CAPN13: variants seen among roughly 807,000 people sequenced by gnomAD.
The protein encoded by CAPN13 is calpain-13.
CAPN13 carries 90 observed loss-of-function variants against 98.4 expected under a neutral mutation model. That is an observed-to-expected ratio of 0.92 (90% CI 0.77 to 1.09). CAPN13 has a LOEUF of 1.09. Ranked by LOEUF, CAPN13 falls within the 50% of genes least tolerant of loss-of-function variation. CAPN13 has a pLI of 0.00. For synonymous variants in CAPN13, 330 were observed against 305.5 expected (o/e 1.08, Z -0.84); for missense variants, 887 against 841.3 (o/e 1.05, Z -0.67).
intron 1 of CAPN13, among the ~76,000 whole-genome samples, chr2:30,794,148 C>T (rs955032777): frequency 2.6e-5 from 4 of 151,210 alleles, no homozygotes; most frequent in East Asian, 1.9e-4. Context: ...ATTTGCAGCA[C>T]GTATATCAGA....
rs1262014163 is a variant in CAPN13, at chr2:30,784,969, G to A, written c.198+2159C>T. ...TCTTCCAGTGCTCTCTGCAGTCACA[G>A]CTGTACACTGTGGGTCAAGGACATC... On this transcript the variant is annotated intron_variant, in intron 2 of 22. Transcript: ENST00000295055. Among the ~76,000 whole-genome samples the A allele has an allele frequency of 2.6e-5, 4 of 152,224 alleles. No individual in the cohort carries two copies. In the East Asian group the frequency reaches 7.7e-4, roughly 29 times the overall value.
At chr2:30,734,807 C>G (rs944962229) in intron 18 of CAPN13, among the ~76,000 whole-genome samples, 1 of 152,040 alleles carries the variant, frequency 6.6e-6, no homozygotes, top group Non-Finnish European at 1.5e-5. Flanking sequence ...GAGTGTAGGG[C>G]TCTCCAAAGA....
At chr2:30,725,550 T>C (rs1670830824) in intron 22 of CAPN13, among the ~76,000 whole-genome samples, 1 of 152,196 alleles carries the variant, frequency 6.6e-6, no homozygotes, top group Admixed American at 6.5e-5. Flanking sequence ...CCAAGTAGAC[T>C]GGTGATGGAG....
At position 30,806,754 on chromosome 2, in the gene CAPN13, C is replaced by T. The variant is rs903529787; in HGVS notation, c.-33+548G>A. 4.6e-5 allele frequency among the ~76,000 whole-genome samples: 7 copies of T among 152,180 alleles called. No individual in the cohort carries two copies. In the East Asian group the frequency reaches 1.3e-3, roughly 29 times the overall value. On this transcript the variant is annotated intron_variant, in intron 1 of 22. Transcript: ENST00000295055. ...GACACCACTAGAGGCATATAGGAAC[C>T]TCCTGAATCTCTGAAGTTGTAATGA...
intron 21 of CAPN13, 67 bp downstream of exon 21, chr2:30,731,277 C>T: frequency 7.0e-7 from 1 of 1,426,638 alleles, no homozygotes; most frequent in Non-Finnish European, 9.5e-7. Flanking sequence ...GAAAAATGCC[C>T]TCTGGAATCA....
chr2:30,743,583 G>A lies in CAPN13; in HGVS notation c.1249-4C>T, dbSNP rs774941368. 3.1e-6 allele frequency: 5 copies of A among 1,613,778 alleles called. No individual in the cohort carries two copies. The highest frequency in any genetic ancestry group is 1.1e-5 in the South Asian group (1 of 91,072). Reference sequence around the variant, plus strand: ...GTGGAAATTTCTCCCGGAACCGCTGGAATTAGAGGAAACACAATGATTGTG... The same window carrying A: ...GTGGAAATTTCTCCCGGAACCGCTGAAATTAGAGGAAACACAATGATTGTG... On this transcript the variant is annotated splice_polypyrimidine_tract_variant and splice_region_variant and intron_variant, in intron 12 of 22. Transcript: ENST00000295055.
In CAPN13 at chr2:30,751,881, C is replaced by T. The variant is rs188380433; in HGVS notation, c.1088-630G>A. ...GCTGCGAGGACTGGAGAAGATGGTG[C>T]ATTAAAATGCATCTGCAGCACATAG... On this transcript the variant is annotated intron_variant, in intron 10 of 22. Transcript: ENST00000295055. 3.0e-3 allele frequency among the ~76,000 whole-genome samples: 450 copies of T among 152,330 alleles called. 3 individuals are homozygous for T. Among genetic ancestry groups the T allele is most frequent in the Non-Finnish European group, 4.5e-3 (308 of 68,018 alleles).
At chr2:30,758,263 G>A (rs1184922756) in intron 7 of CAPN13, 126 bp from the exon 8 acceptor site, 17 of 633,810 alleles carry the variant, frequency 2.7e-5, no homozygotes, top group East Asian at 2.2e-4. Flanking sequence ...GCTGCAGCCA[G>A]AAAAAAAATT....
At chr2:30,744,254 T>C (rs1671800805) in intron 12 of CAPN13, among the ~76,000 whole-genome samples, 1 of 152,222 alleles carries the variant, frequency 6.6e-6, no homozygotes, top group Admixed American at 6.5e-5. Flanking sequence ...TGATTATTTA[T>C]GAGCTATGCC....
rs1485801096 is a variant in CAPN13, at chr2:30,764,317, A to C, written c.525-11T>G. 1.2e-6 allele frequency: 2 copies of C among 1,612,392 alleles called. No homozygotes were observed. Among genetic ancestry groups the C allele is most frequent in the Non-Finnish European group, 1.7e-6 (2 of 1,179,294 alleles). ...TAGGATCCGAGCAGCCTGGGAGGGAATGGGGGATGAACCATCGTGGTGCCT... is the reference window on the plus strand; with the variant it reads ...TAGGATCCGAGCAGCCTGGGAGGGACTGGGGGATGAACCATCGTGGTGCCT... On this transcript the variant is annotated splice_polypyrimidine_tract_variant and intron_variant, in intron 5 of 22. Coordinates refer to ENST00000295055, the MANE Select transcript of CAPN13 (RefSeq NM_144575.3).
At chr2:30,772,992 A>C (rs1253966916) in intron 4 of CAPN13, among the ~76,000 whole-genome samples, 1 of 151,924 alleles carries the variant, frequency 6.6e-6, no homozygotes, top group African/African-American at 2.4e-5. Flanking sequence ...CGCCCAGTTA[A>C]TTTTTGTATT....
chr2:30,730,691 C>A (rs1434468715), intron 22 of CAPN13, 39 bp downstream of exon 22: 2 of 777,602 alleles, frequency 2.6e-6, no homozygotes, highest in Non-Finnish European at 4.8e-6. Flanking sequence ...AGGACTCATG[C>A]TCCCAGGAGG....
Position 30,730,865 on chromosome 2 carries a change from T to C in CAPN13, c.1984-79A>G, listed in dbSNP as rs1181372975. Reference sequence around the variant, plus strand: ...CAGAGCAGGGCAAATGCCACCCTCCTCCCTCGGAAGACCTCAGTCCAGTCT... The same window carrying C: ...CAGAGCAGGGCAAATGCCACCCTCCCCCCTCGGAAGACCTCAGTCCAGTCT... On this transcript the variant is annotated intron_variant, in intron 21 of 22. Transcript: ENST00000295055. The C allele has an allele frequency of 3.9e-6, 3 of 774,004 alleles. No individual in the cohort carries two copies. The Admixed American group carries it at 5.1e-5, about 13-fold the overall frequency. 47.9% of individuals were successfully genotyped at this position (774,004 alleles called of 1,614,324 possible).
intron 10 of CAPN13, 67 bp from the exon 11 acceptor site, chr2:30,751,318 C>T (rs910591035): frequency 3.2e-6 from 5 of 1,565,162 alleles, no homozygotes; most frequent in Non-Finnish European, 4.4e-6. Flanking sequence ...GGGCCATGTC[C>T]AGTGCAGAGA....
At chr2:30,796,444 G>A (rs953076897) in intron 1 of CAPN13, among the ~76,000 whole-genome samples, 1 of 151,856 alleles carries the variant, frequency 6.6e-6, no homozygotes, top group Non-Finnish European at 1.5e-5. Context: ...GTCTGGAATA[G>A]CTAAGAATCA....
chr2:30,797,853 C>G (rs1473407721), intron 1 of CAPN13, among the ~76,000 whole-genome samples: 1 of 152,264 alleles, frequency 6.6e-6, no homozygotes, highest in African/African-American at 2.4e-5. Context: ...AGCTATCTGT[C>G]AGCATCTCCA....
At chr2:30,765,538 C>G (rs1372832775) in intron 5 of CAPN13, among the ~76,000 whole-genome samples, 2 of 152,236 alleles carry the variant, frequency 1.3e-5, no homozygotes, top group Non-Finnish European at 2.9e-5. Context: ...CTCCCTCCAA[C>G]TGGGTCTTCC....
At chr2:30,775,865 C>A (rs1157424566) in intron 4 of CAPN13, 65 bp downstream of exon 4, 2 of 1,192,190 alleles carry the variant, frequency 1.7e-6, no homozygotes, top group Non-Finnish European at 2.3e-6. Flanking sequence ...AAACTTAAGA[C>A]TTTCACCTTC....
At chr2:30,798,708 C>G (rs1675016893) in intron 1 of CAPN13, among the ~76,000 whole-genome samples, 1 of 152,178 alleles carries the variant, frequency 6.6e-6, no homozygotes, top group South Asian at 2.1e-4. Context: ...TAGCAGAACA[C>G]GACAGGGGAC....
Sources: allele counts gnomAD v4.1 joint callset (sites outside exome capture counted in the v4.1 genomes callset), GRCh38; gene constraint gnomAD v4.1.1; transcripts MANE v1.5; gene names NCBI Gene and HGNC (gene_info 2026-07-23, HGNC 2026-07-21).